Variants in JAKMIP1 observed in about 807,000 individuals in gnomAD.
JAKMIP1 encodes the protein janus kinase and microtubule interacting protein 1, also known as janus kinase and microtubule-interacting protein 1.
Under a neutral mutation model 113.0 loss-of-function variants are expected in JAKMIP1, and 33 were observed. The ratio of observed to expected loss-of-function variants is 0.29; its 90% CI spans 0.22 to 0.39. The LOEUF (loss-of-function observed/expected upper bound fraction) is 0.39. JAKMIP1 is among the 10% of genes least tolerant of loss of function. JAKMIP1 has a pLI of 1.00. For missense variants in JAKMIP1, 813 were observed against 1,080.5 expected (o/e 0.75, Z 3.47); for synonymous variants, 480 against 459.9 (o/e 1.04, Z -0.56).
At chr4:6,189,987 G>C (rs771627123) in intron 1 of JAKMIP1, among the ~76,000 whole-genome samples, 8 of 152,190 alleles carry the variant, frequency 5.3e-5, no homozygotes, top group Non-Finnish European at 7.4e-5. Context: ...GAGGAGAGAA[G>C]AAAGCCCCAT....
Position 6,136,406 on chromosome 4 carries a change from A to T in JAKMIP1, c.-147-23409T>A, listed in dbSNP as rs1719254920. On this transcript the variant is annotated intron_variant, in intron 1 of 20. Transcript: ENST00000409021. This position sits in a 1 kb window ranked among gnomAD's most constrained non-coding sequence, Gnocchi z 5.9. The stretch of plus-strand genomic sequence containing the variant: ...AGTGATAATATCTCCCACTGGGAGC[A>T]GGAATGAAGGAAGCAAAGCCACGAC... Among the ~76,000 whole-genome samples the T allele has an allele frequency of 7.3e-6, 1 of 136,656 alleles. No homozygotes were observed. The highest frequency in any genetic ancestry group is 7.1e-5 in the Admixed American group (1 of 14,064). The allele number at this position is 136,656 out of a possible 152,430, so 89.7% of individuals were successfully genotyped here. A position where few individuals can be genotyped will look rare whatever the true frequency, so the allele number is the denominator to read the frequency against.
chr4:6,051,419 G>A lies in JAKMIP1; in HGVS notation c.1807-740C>T, dbSNP rs1031961122. 3.9e-5 allele frequency among the ~76,000 whole-genome samples: 6 copies of A among 152,180 alleles called. No individual in the cohort carries two copies. The highest frequency in any genetic ancestry group is 1.3e-4 in the Admixed American group (2 of 15,292). On this transcript the variant is annotated intron_variant, in intron 13 of 20. Transcript: ENST00000409021. This position sits in a 1 kb window ranked among gnomAD's most constrained non-coding sequence, Gnocchi z 5.0. ...GTATTTAGATTTTGTTTCTTTTTTAGTAGAGACGGGGTTTCACCATGTTGG... is the reference window on the plus strand; with the variant it reads ...GTATTTAGATTTTGTTTCTTTTTTAATAGAGACGGGGTTTCACCATGTTGG...
chr4:6,146,136 A>G (rs1306079797), intron 1 of JAKMIP1, among the ~76,000 whole-genome samples: 1 of 150,830 alleles, frequency 6.6e-6, no homozygotes, highest in Admixed American at 6.6e-5. Flanking sequence ...ATGAACCTTG[A>G]GGACATTACA....
intron 4 of JAKMIP1, 120 bp from the exon 5 acceptor site, chr4:6,085,085 C>T (rs1721102432): frequency 8.3e-7 from 1 of 1,208,208 alleles, no homozygotes; most frequent in Non-Finnish European, 1.1e-6. Context: ...TTCAGGGGCC[C>T]ACATGCCACA....
Position 6,062,398 on chromosome 4 carries a change from T to C in JAKMIP1, c.1474A>G (p.Thr492Ala). 1.9e-6 allele frequency: 3 copies of C among 1,613,760 alleles called. No individual in the cohort carries two copies. The highest frequency in any genetic ancestry group is 2.5e-6 in the Non-Finnish European group (3 of 1,179,964). The change falls in exon 10 of 21, where the codon ACC (threonine) becomes GCC (alanine). Residue 492 changes from threonine (T) to alanine (A), a missense_variant. Thr to Ala is a moderately conservative substitution (Grantham distance 58). Transcript: ENST00000409021. ...EEADLRFCQL[T>A]REYQALQRAY... Reference sequence around the variant, plus strand: ...CGTTGCAGGGCCTGGTACTCCCGGGTCAGCTGGCAGAAGCGCAGGTCAGCC... The same window carrying C: ...CGTTGCAGGGCCTGGTACTCCCGGGCCAGCTGGCAGAAGCGCAGGTCAGCC...
rs571397974 is a variant in JAKMIP1, at chr4:6,110,517, C to T, written c.129+2205G>A. Among the ~76,000 whole-genome samples, 24 of 150,834 alleles carry T rather than the reference C, an allele frequency of 1.6e-4. No individual in the cohort carries two copies. The East Asian group carries it at 4.2e-3, about 26-fold the overall frequency. On this transcript the variant is annotated intron_variant, in intron 2 of 20. Transcript: ENST00000409021. ...GCCCTTGGCTTGCTCACCTGTAACA[C>T]GGGGGAAGCCACACCTGATCTCTCA...
At position 6,183,979 on chromosome 4, in the gene JAKMIP1, A is replaced by G. The variant is rs1170425041; in HGVS notation, c.-148+16274T>C. Among the ~76,000 whole-genome samples, 1 of 152,232 alleles carries G rather than the reference A, an allele frequency of 6.6e-6. No homozygotes were observed. The highest frequency in any genetic ancestry group is 1.5e-5 in the Non-Finnish European group (1 of 68,040). On this transcript the variant is annotated intron_variant, in intron 1 of 20. Coordinates refer to ENST00000409021, the MANE Select transcript of JAKMIP1 (RefSeq NM_001099433.2). The surrounding 1 kb of genome is among the most constrained non-coding windows in gnomAD (Gnocchi z 5.3). The stretch of plus-strand genomic sequence containing the variant: ...CTGTTCAGATTGCAACTGTCACCCT[A>G]TACTTTTCGTTTTGAAAGTTGAATT...
rs1186753596 is a variant in JAKMIP1 at position 6,154,604 on chromosome 4, C to T, written c.-147-41607G>A. On this transcript the variant is annotated intron_variant, in intron 1 of 20. Coordinates refer to ENST00000409021, the MANE Select transcript of JAKMIP1 (RefSeq NM_001099433.2). This position sits in a 1 kb window ranked among gnomAD's most constrained non-coding sequence, Gnocchi z 4.2. ...GACACCAAGAAACTTAGCAAGGCTT[C>T]CAAGAGCCCAACACGCACAGCCCAC... Among the ~76,000 whole-genome samples the T allele has an allele frequency of 6.6e-6, 1 of 152,052 alleles. No individual in the cohort carries two copies. Among genetic ancestry groups the T allele is most frequent in the Non-Finnish European group, 1.5e-5 (1 of 68,008 alleles).
In JAKMIP1 at chr4:6,139,419, T is replaced by C. The variant is rs945107250; in HGVS notation, c.-147-26422A>G. ...CAGGGTCTTTACTGAGGTCATCTAA[T>C]TGAGATGAAGTCAGGAGGGTGGGCC... On this transcript the variant is annotated intron_variant, in intron 1 of 20. Transcript: ENST00000409021. The surrounding 1 kb of genome is among the most constrained non-coding windows in gnomAD (Gnocchi z 5.2). Among the ~76,000 whole-genome samples the C allele has an allele frequency of 3.3e-5, 5 of 152,270 alleles. No homozygotes were observed. Among genetic ancestry groups the C allele is most frequent in the Admixed American group, 1.3e-4 (2 of 15,304 alleles).
At position 6,157,388 on chromosome 4, in the gene JAKMIP1, A is replaced by G. The variant is rs1722382936; in HGVS notation, c.-148+42865T>C. On this transcript the variant is annotated intron_variant, in intron 1 of 20. Coordinates refer to ENST00000409021, the MANE Select transcript of JAKMIP1 (RefSeq NM_001099433.2). This position sits in a 1 kb window ranked among gnomAD's most constrained non-coding sequence, Gnocchi z 4.7. ...TGTCCCAAGAACCAAATGAGATTAA[A>G]TTGAAAGCTCTCTGAAAAGCAGCAA... Among the ~76,000 whole-genome samples the G allele has an allele frequency of 6.6e-6, 1 of 152,206 alleles. No individual in the cohort carries two copies. Among genetic ancestry groups the G allele is most frequent in the Admixed American group, 6.5e-5 (1 of 15,284 alleles).
Position 6,094,969 on chromosome 4 carries a change from G to A in JAKMIP1, c.625-9340C>T, listed in dbSNP as rs1722602264. Among the ~76,000 whole-genome samples, 1 of 150,510 alleles carries A rather than the reference G, an allele frequency of 6.6e-6. No homozygotes were observed. Among genetic ancestry groups the A allele is most frequent in the Non-Finnish European group, 1.5e-5 (1 of 67,856 alleles). On this transcript the variant is annotated intron_variant, in intron 3 of 20. Transcript: ENST00000409021. This position sits in a 1 kb window ranked among gnomAD's most constrained non-coding sequence, Gnocchi z 4.2. Reference sequence around the variant, plus strand: ...ACTGCACTCCAGCCTGGGCGACAGAGCAAGACCCTGTCAAAAAAGAAAAAA... The same window carrying A: ...ACTGCACTCCAGCCTGGGCGACAGAACAAGACCCTGTCAAAAAAGAAAAAA...
At position 6,079,104 on chromosome 4, in the gene JAKMIP1, G is replaced by A. The variant is rs1299078358; in HGVS notation, c.1243-106C>T. 1.2e-5 allele frequency: 14 copies of A among 1,188,808 alleles called. No individual in the cohort carries two copies. The East Asian group carries it at 2.4e-4, about 20-fold the overall frequency. The allele number at this position is 1,188,808 out of a possible 1,614,324, so 73.6% of individuals were successfully genotyped here. A position where few individuals can be genotyped will look rare whatever the true frequency, so the allele number is the denominator to read the frequency against. ...GGGCCTGCCCATCCGCACCAGGCAT[G>A]GCTAGTTGAAGTTCTAAGTGCCCAA... On this transcript the variant is annotated intron_variant, in intron 7 of 20. Transcript: ENST00000409021.
rs1189680837 is a variant in JAKMIP1, at chr4:6,088,899, A to T, written c.625-3270T>A. Among the ~76,000 whole-genome samples the T allele has an allele frequency of 6.6e-6, 1 of 152,190 alleles. No homozygotes were observed. ...TACGCCCAGTCTCAGCATGTGCAGT[A>T]GGAAAGGGGTGGAACGAACATCACT... On this transcript the variant is annotated intron_variant, in intron 3 of 20. Transcript: ENST00000409021. The surrounding 1 kb of genome is among the most constrained non-coding windows in gnomAD (Gnocchi z 5.5).
chr4:6,064,796 C>A lies in JAKMIP1; in HGVS notation c.1431+84G>T, dbSNP rs1220932157. 2.5e-6 allele frequency: 4 copies of A among 1,573,554 alleles called. No individual in the cohort carries two copies. The highest frequency in any genetic ancestry group is 3.5e-6 in the Non-Finnish European group (4 of 1,149,886). On this transcript the variant is annotated intron_variant, in intron 9 of 20. Coordinates refer to ENST00000409021, the MANE Select transcript of JAKMIP1 (RefSeq NM_001099433.2). The surrounding 1 kb of genome is among the most constrained non-coding windows in gnomAD (Gnocchi z 4.3). ...GGGTTCAGAACTATAGGCAAGGGAGCGAAACTTGCAACTATCAAAAGCAGG... is the reference window on the plus strand; with the variant it reads ...GGGTTCAGAACTATAGGCAAGGGAGAGAAACTTGCAACTATCAAAAGCAGG...
chr4:6,056,338 C>T (rs1169402739), intron 12 of JAKMIP1, among the ~76,000 whole-genome samples: 1 of 151,504 alleles, frequency 6.6e-6, no homozygotes, highest in Non-Finnish European at 1.5e-5. Flanking sequence ...CTGCAGGTGT[C>T]CCCAGAGGAC....
In JAKMIP1 at chr4:6,081,014, C is replaced by CACACACACACACACCT. The variant is rs1553821445; in HGVS notation, c.1101+594_1101+595insAGGTGTGTGTGTGTGT. Among the ~76,000 whole-genome samples, 1 of 151,236 alleles carries CACACACACACACACCT rather than the reference C, an allele frequency of 6.6e-6. No homozygotes were observed. Among genetic ancestry groups the CACACACACACACACCT allele is most frequent in the African/African-American group, 2.4e-5 (1 of 41,150 alleles). ...ACACACACACACACACACACACACA[C>CACACACACACACACCT]CTGCATCTGCTACAGTGCAGACAGC... On this transcript the variant is annotated intron_variant, in intron 6 of 20. Coordinates refer to ENST00000409021, the MANE Select transcript of JAKMIP1 (RefSeq NM_001099433.2). This position sits in a 1 kb window ranked among gnomAD's most constrained non-coding sequence, Gnocchi z 4.6.
At chr4:6,174,497 G>A (rs913704908) in intron 1 of JAKMIP1, among the ~76,000 whole-genome samples, 2 of 152,180 alleles carry the variant, frequency 1.3e-5, no homozygotes, top group African/African-American at 4.8e-5. Flanking sequence ...CCTCAGGCCC[G>A]ATGGTTCCCT....
chr4:6,066,892 G>A (rs1035439542), intron 8 of JAKMIP1, among the ~76,000 whole-genome samples: 9 of 151,500 alleles, frequency 5.9e-5, no homozygotes, highest in South Asian at 2.1e-4. Context: ...CTCCTCCTCC[G>A]CTCCAGGCTT....
At chr4:6,128,411 G>A (rs1047549651) in intron 1 of JAKMIP1, among the ~76,000 whole-genome samples, 1 of 152,210 alleles carries the variant, frequency 6.6e-6, no homozygotes, top group African/African-American at 2.4e-5. Flanking sequence ...CTGGGGCCCA[G>A]GGGCTGCAAG....
Sources: allele counts gnomAD v4.1 joint callset (sites outside exome capture counted in the v4.1 genomes callset), GRCh38; gene constraint gnomAD v4.1.1; non-coding constraint Gnocchi (gnomAD v3.1); transcripts MANE v1.5; gene names NCBI Gene and HGNC (gene_info 2026-07-23, HGNC 2026-07-21).